The following SLC27A6 variants were observed in gnomAD, a reference collection of about 807,000 sequenced individuals.
SLC27A6 encodes the protein long-chain fatty acid transport protein 6.
In SLC27A6, 74 loss-of-function variants were observed where a neutral mutation model predicts 63.9. That is an observed-to-expected ratio of 1.16 (90% confidence interval 0.96 to 1.40). The LOEUF (loss-of-function observed/expected upper bound fraction) is 1.40. Among genes scored for constraint, SLC27A6 ranks in the 40% most tolerant of loss-of-function variants. SLC27A6 has a pLI of 0.00. For missense variants in SLC27A6, 794 were observed against 732.9 expected, an observed-to-expected ratio of 1.08 and a Z score of -0.96; for synonymous variants, 287 against 260.8, an observed-to-expected ratio of 1.10 and a Z score of -0.97.
chr5:128,988,104 A>G lies in SLC27A6; in HGVS notation c.686-496A>G, dbSNP rs1750852736. Among the ~76,000 whole-genome samples, 3 of 152,308 alleles carry G rather than the reference A, an allele frequency of 2.0e-5. No homozygotes were observed. The South Asian group carries it at 6.2e-4, about 32-fold the overall frequency. On this transcript the variant is annotated intron_variant, in intron 2 of 9. Transcript: ENST00000262462. ...AGAAAGACTGATAATTGCTCAATAT[A>G]TATACTGGAAGTCAGAAGATTATAG...
At chr5:128,990,980 G>C (rs896590498) in intron 4 of SLC27A6, among the ~76,000 whole-genome samples, 1 of 152,208 alleles carries the variant, frequency 6.6e-6, no homozygotes, top group Non-Finnish European at 1.5e-5. Flanking sequence ...CAAAAGCTCA[G>C]CTTGAGCCAG....
chr5:128,973,958 T>A (rs6861986), intron 1 of SLC27A6, among the ~76,000 whole-genome samples: 1 of 152,040 alleles, frequency 6.6e-6, no homozygotes, highest in Non-Finnish European at 1.5e-5. Flanking sequence ...CTTGTTTTCA[T>A]TACGGGAGGA....
chr5:129,027,328 T>C lies in SLC27A6; in HGVS notation c.1451T>C (p.Phe484Ser). The C allele has an allele frequency of 6.2e-7, 1 of 1,607,996 alleles. No individual in the cohort carries two copies. The highest frequency in any genetic ancestry group is 8.5e-7 in the Non-Finnish European group (1 of 1,175,390). Residue 484 changes from phenylalanine (F) to serine (S), a missense_variant, in exon 7 of 10, where the codon TTC becomes TCC. Coordinates refer to ENST00000262462, the MANE Select transcript of SLC27A6 (RefSeq NM_001017372.3). ...LYFWDRTGDTFRWKGENVATT... is the reference protein window; with the variant it reads ...LYFWDRTGDTSRWKGENVATT... ...TTTTGGGACCGTACTGGAGACACTT[T>C]CAGGTATGAAATGTTATGGGATCCA...
At chr5:128,985,081 A>G in intron 1 of SLC27A6, 52 bp from the exon 2 acceptor site, 1 of 1,331,478 alleles carries the variant, frequency 7.5e-7, no homozygotes, top group Non-Finnish European at 1.1e-6. Context: ...TCCAAAGTGA[A>G]TTGTTTGAGA....
intron 9 of SLC27A6, among the ~76,000 whole-genome samples, chr5:129,030,982 CA>C (rs1217378272): frequency 6.6e-6 from 1 of 151,934 alleles, no homozygotes; most frequent in African/African-American, 2.4e-5. Context: ...CATCCTCACC[CA>C]ACCCCATAAG....
intron 2 of SLC27A6, among the ~76,000 whole-genome samples, chr5:128,987,421 C>T (rs1248682920): frequency 6.6e-6 from 1 of 151,904 alleles, no homozygotes; most frequent in Non-Finnish European, 1.5e-5. Context: ...TAAATATAAA[C>T]TGATAGTCAG....
intron 4 of SLC27A6, among the ~76,000 whole-genome samples, chr5:129,006,036 T>C (rs938416089): frequency 1.3e-5 from 2 of 150,256 alleles, no homozygotes; most frequent in African/African-American, 4.9e-5. Flanking sequence ...TATTATGTAT[T>C]CCATATAGGT....
At chr5:128,968,748 AC>A (rs1382765533) in intron 1 of SLC27A6, among the ~76,000 whole-genome samples, 1 of 151,442 alleles carries the variant, frequency 6.6e-6, no homozygotes, top group East Asian at 1.9e-4. Flanking sequence ...CTTTTGCTGT[AC>A]AGAAGCTCTT....
intron 4 of SLC27A6, among the ~76,000 whole-genome samples, chr5:129,012,258 T>C (rs915788334): frequency 1.3e-5 from 2 of 152,026 alleles, no homozygotes; most frequent in African/African-American, 4.8e-5. Context: ...ATGCAAACAT[T>C]TGGAGATTTT....
intron 4 of SLC27A6, among the ~76,000 whole-genome samples, chr5:129,007,214 G>A (rs1751571425): frequency 6.6e-6 from 1 of 151,954 alleles, no homozygotes; most frequent in African/African-American, 2.4e-5. Flanking sequence ...GGGAGGCCGA[G>A]GCGGGTGGAT....
chr5:128,988,530 T>A (rs1368338692), intron 2 of SLC27A6, 70 bp from the exon 3 acceptor site: 25 of 1,190,738 alleles, frequency 2.1e-5, no homozygotes, highest in Non-Finnish European at 2.8e-5. Flanking sequence ...TCTAGTTATA[T>A]GAATATGTAT....
At chr5:129,028,959 T>A (rs1752334277) in intron 8 of SLC27A6, among the ~76,000 whole-genome samples, 1 of 151,986 alleles carries the variant, frequency 6.6e-6, no homozygotes, top group Non-Finnish European at 1.5e-5. Context: ...AAGACAGCCA[T>A]TCTCCATTTT....
intron 4 of SLC27A6, among the ~76,000 whole-genome samples, chr5:129,003,967 CAAAAAAAAAAAAAAA>C (rs779667758): frequency 1.4e-5 from 1 of 69,426 alleles, no homozygotes; most frequent in East Asian, 5.0e-4. Flanking sequence ...GACCCTGTCT[CAAAAAAAAAAAAAAA>C]AAAAAAGAAC....
intron 1 of SLC27A6, among the ~76,000 whole-genome samples, chr5:128,979,154 C>G (rs1293650800): frequency 1.1e-5 from 1 of 92,702 alleles, no homozygotes; most frequent in Non-Finnish European, 2.8e-5. Flanking sequence ...GAGACAGCCA[C>G]CCATAGTAAG....
chr5:128,973,221 T>G (rs1235659305), intron 1 of SLC27A6, among the ~76,000 whole-genome samples: 2 of 152,170 alleles, frequency 1.3e-5, no homozygotes, highest in Non-Finnish European at 2.9e-5. Flanking sequence ...AGGCTACTCG[T>G]GGGTCAGGGA....
intron 7 of SLC27A6, 60 bp from the exon 8 acceptor site, chr5:129,028,285 C>G: frequency 9.1e-7 from 1 of 1,103,712 alleles, no homozygotes; most frequent in Non-Finnish European, 1.4e-6. Flanking sequence ...AAAACTAAAA[C>G]TGGGTACCTA....
chr5:128,988,528 T>C lies in SLC27A6; in HGVS notation c.686-72T>C, dbSNP rs1276931191. ...CTTTCTGTTACTTCCTTTCTAGTTA[T>C]ATGAATATGTATGCATATGTATATG... is the stretch of plus-strand genomic sequence containing the variant. On this transcript the variant is annotated intron_variant, in intron 2 of 9. Coordinates refer to ENST00000262462, the MANE Select transcript of SLC27A6 (RefSeq NM_001017372.3). 9 of 1,167,212 alleles carry C rather than the reference T, an allele frequency of 7.7e-6. No individual in the cohort carries two copies. In the East Asian group the frequency reaches 9.6e-5, roughly 12 times the overall value. 72.3% of individuals were successfully genotyped at this position (1,167,212 alleles called of 1,614,324 possible). A position where few individuals can be genotyped will look rare whatever the true frequency, so the allele number is the denominator to read the frequency against.
At chr5:128,985,095 A>C (rs374758805) in intron 1 of SLC27A6, 38 bp from the exon 2 acceptor site, 5 of 1,464,892 alleles carry the variant, frequency 3.4e-6, no homozygotes, top group African/African-American at 1.4e-5. Context: ...TTTGAGATTT[A>C]AGGTTTGCTT....
chr5:128,991,850 G>T (rs1293924676), intron 4 of SLC27A6, among the ~76,000 whole-genome samples: 1 of 151,838 alleles, frequency 6.6e-6, no homozygotes, highest in African/African-American at 2.4e-5. Context: ...ATAGCCTGAA[G>T]TTTATCTTTA....
Sources: allele counts gnomAD v4.1 joint callset (sites outside exome capture counted in the v4.1 genomes callset), GRCh38; gene constraint gnomAD v4.1.1; transcripts MANE v1.5; gene names NCBI Gene and HGNC (gene_info 2026-07-23, HGNC 2026-07-21).